The following RFC2 variants were observed in gnomAD, a reference collection of about 807,000 sequenced individuals.
RFC2 encodes the protein replication factor C subunit 2.
RFC2 carries 34 observed loss-of-function variants against 44.8 expected under a neutral mutation model. The ratio of observed to expected loss-of-function variants is 0.76; its 90% CI spans 0.58 to 1.01. The LOEUF (loss-of-function observed/expected upper bound fraction) is 1.01, where lower values mean the gene tolerates loss of function less well. RFC2 is among the 50% of genes least tolerant of loss of function. The pLI is 0.00. For synonymous variants in RFC2, 177 were observed against 168.9 expected (o/e 1.05, Z -0.37); for missense variants, 400 against 453.6 (o/e 0.88, Z 1.07).
At chr7:74,241,348 G>A (rs1554719251) in intron 6 of RFC2, among the ~76,000 whole-genome samples, 1 of 152,208 alleles carries the variant, frequency 6.6e-6, no homozygotes, top group African/African-American at 2.4e-5. Context: ...CGGCTACTAA[G>A]AACCAGAGTT....
chr7:74,236,664 C>G (rs1803030950), intron 9 of RFC2, among the ~76,000 whole-genome samples: 1 of 152,208 alleles, frequency 6.6e-6, no homozygotes, highest in Admixed American at 6.5e-5. Flanking sequence ...TTCCCCTTAA[C>G]TGGAGAGAAG....
chr7:74,244,671 A>G (rs1803502661), intron 5 of RFC2, among the ~76,000 whole-genome samples: 1 of 151,000 alleles, frequency 6.6e-6, no homozygotes, highest in Non-Finnish European at 1.5e-5. Context: ...ACCTGGCCCT[A>G]AAAAAAATTT....
chr7:74,247,987 G>T (rs974593648), intron 4 of RFC2, among the ~76,000 whole-genome samples: 1 of 151,934 alleles, frequency 6.6e-6, no homozygotes, highest in Non-Finnish European at 1.5e-5. Context: ...CAGAGATGGG[G>T]TTTCATTATG....
At chr7:74,232,321 T>C (rs965669718) in intron 10 of RFC2, 105 bp from the exon 11 acceptor site, 29 of 667,902 alleles carry the variant, frequency 4.3e-5, no homozygotes, top group Middle Eastern at 2.8e-4. Context: ...ACTGAACTAA[T>C]GGTTTTTTCA....
intron 5 of RFC2, among the ~76,000 whole-genome samples, chr7:74,243,525 C>A (rs1022188737): frequency 2.6e-5 from 4 of 152,070 alleles, no homozygotes; most frequent in Admixed American, 2.6e-4. Context: ...GGAATTGGTT[C>A]TCTCCAGTCC....
In RFC2 at chr7:74,239,934, A is replaced by G. The variant is rs782779165; in HGVS notation, c.693+4T>C. 1 of 1,597,874 alleles carries G rather than the reference A, an allele frequency of 6.3e-7. No homozygotes were observed. Among genetic ancestry groups the G allele is most frequent in the Non-Finnish European group, 8.5e-7 (1 of 1,171,928 alleles). On this transcript the variant is annotated splice_donor_region_variant and intron_variant, in intron 7 of 10. Transcript: ENST00000055077. ...CCACGCCTGAATGGTAGCAGCCCAC[A>G]TACCTGCCTCATGTCTCCCTGGGCC...
At chr7:74,250,711 T>TTG (rs1786880159) in intron 2 of RFC2, among the ~76,000 whole-genome samples, 1 of 152,192 alleles carries the variant, frequency 6.6e-6, no homozygotes, top group African/African-American at 2.4e-5. Flanking sequence ...AATGGGCCAT[T>TTG]AAGTGGTCTC....
intron 10 of RFC2, 145 bp from the exon 11 acceptor site, chr7:74,232,361 C>G: frequency 1.7e-6 from 1 of 576,042 alleles, no homozygotes. Context: ...CAACCCCAGC[C>G]GGAAAATGAA....
chr7:74,250,794 A>AT lies in RFC2; in HGVS notation c.184-1015dup, dbSNP rs113786480. ...TCCTAAAGTACACACCTATTAAAAC[A>AT]TTTTTTTTTTTGAGATGGAGCTTTG... On this transcript the variant is annotated intron_variant, in intron 2 of 10. Transcript: ENST00000055077. Among the ~76,000 whole-genome samples the AT allele has an allele frequency of 9.1e-4, 133 of 146,640 alleles. No individual in the cohort carries two copies. The East Asian group carries it at 0.011, about 12-fold the overall frequency.
At chr7:74,240,201 C>A in intron 6 of RFC2, 106 bp from the exon 7 acceptor site, 2 of 1,014,896 alleles carry the variant, frequency 2.0e-6, no homozygotes, top group Non-Finnish European at 2.9e-6. Flanking sequence ...CAGCCCCAGG[C>A]ACTCAATAGA....
rs1321223699 is a variant in RFC2, at chr7:74,246,633, G to C, written c.434+29C>G. On this transcript the variant is annotated intron_variant, in intron 5 of 10. Transcript: ENST00000055077. ...CCGAAAAAGAGATTTAGAGATCAAG[G>C]TCAAAATACATTTGGCAAAGCACTC... The C allele has an allele frequency of 2.1e-6, 3 of 1,425,500 alleles. No individual in the cohort carries two copies. In the Admixed American group the frequency reaches 5.5e-5, roughly 26 times the overall value. 88.3% of individuals were successfully genotyped at this position (1,425,500 alleles called of 1,614,324 possible). A position where few individuals can be genotyped will look rare whatever the true frequency, so the allele number is the denominator to read the frequency against.
chr7:74,248,479 A>G (rs1013651264), intron 4 of RFC2, among the ~76,000 whole-genome samples: 3 of 151,650 alleles, frequency 2.0e-5, no homozygotes, highest in African/African-American at 7.3e-5. Flanking sequence ...AAATTTTTAA[A>G]CTTGAAAAAA....
chr7:74,234,805 G>A (rs1290385534), intron 10 of RFC2, among the ~76,000 whole-genome samples: 1 of 152,098 alleles, frequency 6.6e-6, no homozygotes, highest in Admixed American at 6.6e-5. Flanking sequence ...AACATGAGCA[G>A]AAGCAGCCTG....
chr7:74,248,378 C>G (rs1803742101), intron 4 of RFC2, among the ~76,000 whole-genome samples: 1 of 151,722 alleles, frequency 6.6e-6, no homozygotes, highest in Non-Finnish European at 1.5e-5. Flanking sequence ...GTCTATAGTC[C>G]TAGCAACTTA....
rs1554721645 is a variant in RFC2, at chr7:74,254,397, C to A, written c.-14G>T. ...CTCCACCTCCATTCTCGCGCCTCCT[C>A]TTCCCGCCACCCGAGGCACCGCCCC... On this transcript the variant is annotated 5_prime_UTR_variant, in exon 1 of 11. Transcript: ENST00000055077. The A allele has an allele frequency of 6.4e-7, 1 of 1,564,708 alleles. No individual in the cohort carries two copies. The highest frequency in any genetic ancestry group is 1.1e-5 in the South Asian group (1 of 87,578).
At chr7:74,234,393 G>T (rs1457236007) in intron 10 of RFC2, among the ~76,000 whole-genome samples, 2 of 152,110 alleles carry the variant, frequency 1.3e-5, no homozygotes, top group East Asian at 3.8e-4. Flanking sequence ...GCATGACTGA[G>T]TGCGTTTGTC....
chr7:74,245,173 G>A (rs1262698478), intron 5 of RFC2, among the ~76,000 whole-genome samples: 1 of 151,726 alleles, frequency 6.6e-6, no homozygotes, highest in Non-Finnish European at 1.5e-5. Context: ...GGGATTACAG[G>A]TATGTGCCAC....
intron 9 of RFC2, 108 bp from the exon 10 acceptor site, chr7:74,235,753 G>A: frequency 2.7e-6 from 2 of 735,644 alleles, no homozygotes; most frequent in South Asian, 2.8e-5. Flanking sequence ...GTCACATGGG[G>A]GTACCTTAAC....
At chr7:74,241,404 G>A (rs782814964) in intron 6 of RFC2, among the ~76,000 whole-genome samples, 2 of 152,232 alleles carry the variant, frequency 1.3e-5, no homozygotes, top group Non-Finnish European at 2.9e-5. Flanking sequence ...AAATCAGTGC[G>A]ATTTTGGGAA....
Sources: gnomAD v4.1 joint callset for allele counts (sites outside exome capture counted in the v4.1 genomes callset) on GRCh38, gnomAD v4.1.1 for gene constraint, MANE v1.5 for transcripts, NCBI Gene and HGNC (gene_info 2026-07-23, HGNC 2026-07-21) for gene names.